Variants in FAM227B observed in about 807,000 individuals in gnomAD.
FAM227B encodes the protein protein FAM227B.
FAM227B carries 88 observed loss-of-function variants against 73.8 expected under a neutral mutation model. That is an observed-to-expected ratio of 1.19 (90% confidence interval 1.00 to 1.42). The LOEUF (loss-of-function observed/expected upper bound fraction) is 1.42. FAM227B is among the 40% of genes most tolerant of loss of function. FAM227B has a pLI of 0.00. For synonymous variants in FAM227B, 210 were observed against 190.5 expected (o/e 1.10, Z -0.84); for missense variants, 632 against 590.9 (o/e 1.07, Z -0.72).
chr15:49,497,628 T>C (rs1357225046), intron 11 of FAM227B, among the ~76,000 whole-genome samples: 1 of 152,230 alleles, frequency 6.6e-6, no homozygotes. Context: ...AAGAAACTCA[T>C]AAATTTGAAC....
intron 2 of FAM227B, among the ~76,000 whole-genome samples, chr15:49,614,519 T>C (rs904690124): frequency 6.6e-6 from 1 of 152,190 alleles, no homozygotes; most frequent in East Asian, 1.9e-4. Flanking sequence ...TGTAAACCCA[T>C]GAAGCTAAAA....
chr15:49,461,445 T>C (rs2053787074), intron 11 of FAM227B, among the ~76,000 whole-genome samples: 1 of 152,238 alleles, frequency 6.6e-6, no homozygotes, highest in South Asian at 2.1e-4. Context: ...GAGTGGCTTA[T>C]CTGACATCAT....
At chr15:49,480,261 A>T (rs1360475709) in intron 11 of FAM227B, among the ~76,000 whole-genome samples, 1 of 152,108 alleles carries the variant, frequency 6.6e-6, no homozygotes, top group Non-Finnish European at 1.5e-5. Flanking sequence ...CTTAACCCTA[A>T]TATGTGGAGG....
chr15:49,539,523 C>A (rs1479832066), intron 10 of FAM227B, among the ~76,000 whole-genome samples: 1 of 152,054 alleles, frequency 6.6e-6, no homozygotes, highest in Non-Finnish European at 1.5e-5. Context: ...GACATTGGTG[C>A]CTGTGGTGCA....
At chr15:49,494,775 A>G (rs2057453251) in intron 11 of FAM227B, among the ~76,000 whole-genome samples, 2 of 152,150 alleles carry the variant, frequency 1.3e-5, no homozygotes, top group Admixed American at 1.3e-4. Flanking sequence ...CTCCTTTAAG[A>G]GCAGCTGTTA....
chr15:49,608,098 G>GTATT (rs2077640813), intron 3 of FAM227B, among the ~76,000 whole-genome samples: 2 of 152,102 alleles, frequency 1.3e-5, no homozygotes, highest in Non-Finnish European at 2.9e-5. Flanking sequence ...AGAGTCTATG[G>GTATT]TGATTATATT....
chr15:49,380,235 TGTG>T (rs1355976149), intron 11 of FAM227B, among the ~76,000 whole-genome samples: 1 of 152,172 alleles, frequency 6.6e-6, no homozygotes, highest in African/African-American at 2.4e-5. Context: ...TCAGTCAGTT[TGTG>T]GTGAATGCTG....
intron 13 of FAM227B, chr15:49,344,232 A>C (rs543940953): frequency 1.1e-4 from 17 of 152,306 alleles, no homozygotes; most frequent in Middle Eastern, 3.4e-3. Context: ...CCCATTCTCC[A>C]AAAAATAAAA....
In FAM227B at chr15:49,404,650, G is replaced by A. The variant is rs117107455; in HGVS notation, c.1013-33251C>T. Among the ~76,000 whole-genome samples, 853 of 151,786 alleles carry A rather than the reference G, an allele frequency of 5.6e-3. 7 individuals are homozygous for A. The highest frequency in any genetic ancestry group is 8.1e-3 in the Non-Finnish European group (547 of 67,936). ...TCCATCCCTTTACTTTAAGACTATGGGTGTCATTGCATGTGAGATGCATCT... is the reference window on the plus strand; with the variant it reads ...TCCATCCCTTTACTTTAAGACTATGAGTGTCATTGCATGTGAGATGCATCT... On this transcript the variant is annotated intron_variant, in intron 11 of 15. Transcript: ENST00000299338.
Position 49,353,209 on chromosome 15 carries a change from T to C in FAM227B, c.1271+14239A>G, listed in dbSNP as rs887390355. On this transcript the variant is annotated intron_variant, in intron 13 of 15. Transcript: ENST00000299338. Reference sequence around the variant, plus strand: ...AATTTATTTAGTCCAATTCATCTGCTTAATATGAATGGAGAAGAGGCTCAA... The same window carrying C: ...AATTTATTTAGTCCAATTCATCTGCCTAATATGAATGGAGAAGAGGCTCAA... Among the ~76,000 whole-genome samples, 2 of 152,174 alleles carry C rather than the reference T, an allele frequency of 1.3e-5. 1 individual carries two copies. The highest frequency in any genetic ancestry group is 2.9e-5 in the Non-Finnish European group (2 of 68,036).
intron 10 of FAM227B, among the ~76,000 whole-genome samples, chr15:49,538,164 T>C (rs1336857827): frequency 6.6e-6 from 1 of 152,198 alleles, no homozygotes; most frequent in Non-Finnish European, 1.5e-5. Flanking sequence ...AGGAGAGAGT[T>C]TGATTATGCG....
intron 11 of FAM227B, among the ~76,000 whole-genome samples, chr15:49,452,036 A>G (rs1009012815): frequency 3.9e-5 from 6 of 152,120 alleles, no homozygotes; most frequent in African/African-American, 1.4e-4. Context: ...ATTTGATTCA[A>G]TACCAACCAG....
chr15:49,603,378 A>G (rs1411240719), intron 3 of FAM227B, among the ~76,000 whole-genome samples: 1 of 151,960 alleles, frequency 6.6e-6, no homozygotes, highest in East Asian at 1.9e-4. Flanking sequence ...TTCCTTAGGT[A>G]TTTCATTTAT....
At chr15:49,615,408 G>T (rs1253002309) in intron 1 of FAM227B, among the ~76,000 whole-genome samples, 165 bp from the exon 2 acceptor site, 1 of 152,182 alleles carries the variant, frequency 6.6e-6, no homozygotes. Flanking sequence ...AGTGTTGGAG[G>T]TGGGGCCTGG....
chr15:49,531,290 T>C (rs1255930218), intron 10 of FAM227B, among the ~76,000 whole-genome samples: 1 of 151,864 alleles, frequency 6.6e-6, no homozygotes, highest in African/African-American at 2.4e-5. Flanking sequence ...TATTATATAC[T>C]ATGTATCAAG....
chr15:49,402,297 A>C (rs1351591154), intron 11 of FAM227B, among the ~76,000 whole-genome samples: 1 of 152,160 alleles, frequency 6.6e-6, no homozygotes, highest in Non-Finnish European at 1.5e-5. Flanking sequence ...GATTCCATAT[A>C]AATTGTTAGG....
At chr15:49,381,667 C>T (rs930095704) in intron 11 of FAM227B, among the ~76,000 whole-genome samples, 5 of 152,096 alleles carry the variant, frequency 3.3e-5, no homozygotes, top group African/African-American at 1.2e-4. Context: ...CTCTGTAAAT[C>T]CTAACCAATG....
chr15:49,448,359 C>T (rs1253971529), intron 11 of FAM227B, among the ~76,000 whole-genome samples: 1 of 151,044 alleles, frequency 6.6e-6, no homozygotes. Context: ...TTCCATTTAA[C>T]TCTTTTAATT....
intron 10 of FAM227B, among the ~76,000 whole-genome samples, chr15:49,530,404 T>C (rs1031190044): frequency 1.3e-5 from 2 of 151,840 alleles, no homozygotes; most frequent in Non-Finnish European, 2.9e-5. Context: ...TCAGAATAGG[T>C]AGTTCTAACT....
Sources: allele counts gnomAD v4.1 joint callset (sites outside exome capture counted in the v4.1 genomes callset), GRCh38; gene constraint gnomAD v4.1.1; transcripts MANE v1.5; gene names NCBI Gene and HGNC (gene_info 2026-07-23, HGNC 2026-07-21).